The following FHIT variants were observed in gnomAD, a reference collection of about 807,000 sequenced individuals.
The protein encoded by FHIT is fragile histidine triad diadenosine triphosphatase.
In FHIT, 19 loss-of-function variants were observed where a neutral mutation model predicts 17.9. The observed-to-expected ratio is 1.06, with a 90% CI of 0.74 to 1.56. The LOEUF (loss-of-function observed/expected upper bound fraction) is 1.56. Among genes scored for constraint, FHIT ranks in the 40% most tolerant of loss-of-function variants. The pLI, the probability that FHIT is intolerant of heterozygous loss-of-function variation, is 0.00. For missense variants in FHIT, 248 were observed against 189.2 expected (o/e 1.31, Z -1.82); for synonymous variants, 81 against 69.7 (o/e 1.16, Z -0.81).
chr3:60,763,588 C>A (rs114589389), intron 4 of FHIT, among the ~76,000 whole-genome samples: 2 of 152,186 alleles, frequency 1.3e-5, no homozygotes, highest in African/African-American at 2.4e-5. Context: ...AGGATTCAAA[C>A]CCAGGTCTGA....
intron 5 of FHIT, among the ~76,000 whole-genome samples, chr3:60,089,283 C>T (rs1472091854): frequency 6.6e-6 from 1 of 152,176 alleles, no homozygotes; most frequent in African/African-American, 2.4e-5. Flanking sequence ...CTTACCACAG[C>T]TTACTCTAAC....
intron 5 of FHIT, among the ~76,000 whole-genome samples, chr3:60,533,703 G>C (rs200757834): frequency 1.8e-4 from 28 of 152,304 alleles, no homozygotes; most frequent in East Asian, 1.5e-3. Context: ...GCAGGAGAAA[G>C]TATAGTAAAG....
chr3:60,005,540 C>T (rs1438370575), intron 7 of FHIT, among the ~76,000 whole-genome samples: 1 of 152,144 alleles, frequency 6.6e-6, no homozygotes, highest in Admixed American at 6.5e-5. Context: ...TCCACTCCCA[C>T]ATGTACACCC....
At chr3:60,267,317 T>A (rs1426213678) in intron 5 of FHIT, among the ~76,000 whole-genome samples, 1 of 151,548 alleles carries the variant, frequency 6.6e-6, no homozygotes, top group African/African-American at 2.4e-5. Flanking sequence ...AGGTCACATA[T>A]ACACACACAC....
intron 5 of FHIT, among the ~76,000 whole-genome samples, chr3:60,504,943 A>G (rs1027439428): frequency 6.6e-6 from 1 of 152,232 alleles, no homozygotes; most frequent in African/African-American, 2.4e-5. Flanking sequence ...AGTGGAAGTC[A>G]AACTGCTATA....
At chr3:59,828,547 G>A (rs1450124714) in intron 8 of FHIT, among the ~76,000 whole-genome samples, 1 of 152,178 alleles carries the variant, frequency 6.6e-6, no homozygotes, top group Non-Finnish European at 1.5e-5. Flanking sequence ...TCTTCTTAAA[G>A]AGAAATGCAA....
intron 5 of FHIT, among the ~76,000 whole-genome samples, chr3:60,515,547 A>G (rs2035120179): frequency 6.6e-6 from 1 of 151,064 alleles, no homozygotes. Context: ...TTGAAAAACA[A>G]GCTACAAAGG....
At chr3:60,163,849 G>A (rs1701042606) in intron 5 of FHIT, among the ~76,000 whole-genome samples, 1 of 152,084 alleles carries the variant, frequency 6.6e-6, no homozygotes, top group Non-Finnish European at 1.5e-5. Context: ...CTCCTAGTTG[G>A]GAAACACTGA....
intron 8 of FHIT, among the ~76,000 whole-genome samples, chr3:59,813,391 G>T (rs552450104): frequency 1.3e-5 from 2 of 152,092 alleles, no homozygotes; most frequent in African/African-American, 4.8e-5. Context: ...ACGTACCCTC[G>T]CATTCTTTCC....
chr3:59,973,314 C>T (rs996213389), intron 7 of FHIT, among the ~76,000 whole-genome samples: 7 of 152,064 alleles, frequency 4.6e-5, no homozygotes, highest in Admixed American at 3.9e-4. Flanking sequence ...GGATCCCAAA[C>T]GAAGCCTAGA....
At chr3:60,444,098 T>G (rs547979465) in intron 5 of FHIT, among the ~76,000 whole-genome samples, 12 of 152,136 alleles carry the variant, frequency 7.9e-5, no homozygotes, top group Non-Finnish European at 1.6e-4. Context: ...AAAAAATGCT[T>G]ATCATCACTT....
intron 4 of FHIT, among the ~76,000 whole-genome samples, chr3:60,818,887 T>C (rs1371874936): frequency 6.6e-6 from 1 of 152,170 alleles, no homozygotes; most frequent in Non-Finnish European, 1.5e-5. Context: ...TTTTAGCCTG[T>C]TCTCACTCTA....
In FHIT at chr3:60,014,096, C is replaced by T. The variant is rs1700245999; in HGVS notation, c.160G>A (p.Glu54Lys). The stretch of plus-strand genomic sequence containing the variant: ...GTCGTCTGAAACAAATCGGCCACTT[C>T]ATCAGGACGCAGGTCATGGAAGCGC... Reference protein sequence around the residue: ...VERFHDLRPDEVADLFQTTQR... With the variant: ...VERFHDLRPDKVADLFQTTQR... The change falls in exon 6 of 10, where the codon GAA (glutamate) becomes AAA (lysine). Residue 54 changes from glutamate to lysine, a missense_variant. By Grantham distance (56) the Glu-to-Lys change is moderately conservative. Transcript: ENST00000492590. 6.2e-7 allele frequency: 1 copy of T among 1,614,130 alleles called. No individual in the cohort carries two copies. Among genetic ancestry groups the T allele is most frequent in the South Asian group, 1.1e-5 (1 of 91,082 alleles).
intron 5 of FHIT, among the ~76,000 whole-genome samples, chr3:60,348,087 G>A (rs188231031): frequency 4.0e-5 from 6 of 151,200 alleles, no homozygotes; most frequent in Non-Finnish European, 8.8e-5. Flanking sequence ...AGAAATTCAT[G>A]GTAAATTAGT....
intron 2 of FHIT, among the ~76,000 whole-genome samples, chr3:61,099,667 A>G (rs1382840975): frequency 6.6e-6 from 1 of 151,760 alleles, no homozygotes; most frequent in Non-Finnish European, 1.5e-5. Context: ...CTAGGAATTT[A>G]TTCATTTCTT....
chr3:60,302,116 G>C (rs1353545), intron 5 of FHIT, among the ~76,000 whole-genome samples: 55,864 of 151,878 alleles, frequency 0.37, 11,188 homozygotes, highest in East Asian at 0.81. Flanking sequence ...TTAACTGAAG[G>C]CCACTTTGAA....
intron 2 of FHIT, among the ~76,000 whole-genome samples, chr3:61,126,863 C>G (rs1466549666): frequency 6.6e-6 from 1 of 152,006 alleles, no homozygotes; most frequent in African/African-American, 2.4e-5. Context: ...GATGAGAGAG[C>G]AAGCCCTACT....
chr3:60,749,924 T>C (rs1490133584), intron 4 of FHIT, among the ~76,000 whole-genome samples: 1 of 152,226 alleles, frequency 6.6e-6, no homozygotes, highest in Non-Finnish European at 1.5e-5. Flanking sequence ...AGAATTAAGA[T>C]TAAAGTGCCC....
intron 4 of FHIT, among the ~76,000 whole-genome samples, chr3:60,547,776 G>A (rs908661961): frequency 6.6e-6 from 1 of 151,830 alleles, no homozygotes; most frequent in African/African-American, 2.4e-5. Flanking sequence ...CCTTTTGTGT[G>A]TGACTCAGTG....
Sources: allele counts gnomAD v4.1 joint callset (sites outside exome capture counted in the v4.1 genomes callset), GRCh38; gene constraint gnomAD v4.1.1; transcripts MANE v1.5; gene names NCBI Gene and HGNC (gene_info 2026-07-23, HGNC 2026-07-21).